The following PLCH2 variants were observed in gnomAD, a reference collection of about 807,000 sequenced individuals.
PLCH2 encodes phospholipase C eta 2.
In PLCH2, 98 loss-of-function variants were observed where a neutral mutation model predicts 134.7. That is an observed-to-expected ratio of 0.73 (90% confidence interval 0.62 to 0.86). The LOEUF is 0.86. PLCH2 is among the 40% of genes least tolerant of loss of function. The pLI, the probability that PLCH2 is intolerant of heterozygous loss-of-function variation, is 0.00. For synonymous variants in PLCH2, 974 were observed against 827.5 expected, an observed-to-expected ratio of 1.18 and a Z score of -3.04; for missense variants, 1,994 against 1,986.6, an observed-to-expected ratio of 1.00 and a Z score of -0.07.
intron 15 of PLCH2, 131 bp downstream of exon 15, chr1:2,497,141 C>G: frequency 1.1e-6 from 1 of 889,726 alleles, no homozygotes; most frequent in Non-Finnish European, 1.7e-6. Flanking sequence ...CTTGGAGCCT[C>G]CACACCTCTG....
chr1:2,473,108 C>T (rs78002624), upstream of PLCH2, among the ~76,000 whole-genome samples: 122 of 152,256 alleles, frequency 8.0e-4, no homozygotes, highest in African/African-American at 2.8e-3. Context: ...GCCAACACCG[C>T]CCTGGCTTCT....
intron 2 of PLCH2, among the ~76,000 whole-genome samples, chr1:2,435,233 A>G (rs1217770188): frequency 6.6e-6 from 1 of 152,008 alleles, no homozygotes; most frequent in Non-Finnish European, 1.5e-5. Context: ...AACCCCTGTC[A>G]CCTGCGGACA....
chr1:2,491,124 G>A, intron 10 of PLCH2, 68 bp from the exon 11 acceptor site: 1 of 1,470,906 alleles, frequency 6.8e-7, no homozygotes, highest in South Asian at 1.3e-5. Flanking sequence ...GTGACCCTGG[G>A]GGTTGTCATT....
chr1:2,433,547 G>A (rs920609705), intron 2 of PLCH2, among the ~76,000 whole-genome samples: 4 of 152,302 alleles, frequency 2.6e-5, no homozygotes, highest in African/African-American at 7.2e-5. Context: ...GGCACAGGTG[G>A]GAACGGTGTG....
At chr1:2,452,983 C>A (rs760553597) in intron 2 of PLCH2, among the ~76,000 whole-genome samples, 27 of 152,192 alleles carry the variant, frequency 1.8e-4, no homozygotes, top group Non-Finnish European at 3.5e-4. Context: ...GGATCCATTC[C>A]CGGTGGGGGC....
At chr1:2,492,124 G>A (rs1470221726) in intron 11 of PLCH2, among the ~76,000 whole-genome samples, 1 of 152,230 alleles carries the variant, frequency 6.6e-6, no homozygotes, top group Non-Finnish European at 1.5e-5. Flanking sequence ...CAGGGACCTT[G>A]CTCTTTTCCT....
At chr1:2,454,874 C>T (rs1156557872) in intron 2 of PLCH2, among the ~76,000 whole-genome samples, 2 of 152,128 alleles carry the variant, frequency 1.3e-5, no homozygotes, top group East Asian at 1.9e-4. Context: ...GCAGGTGGCT[C>T]GCGGCTCAGG....
Position 2,480,332 on chromosome 1 carries a change from A to G in PLCH2, c.645+20A>G. On this transcript the variant is annotated intron_variant, in intron 4 of 21. Transcript: ENST00000378486. Reference sequence around the variant, plus strand: ...TTCAGGGTGAGCTGGGGGGAGCCCTACCTGGGCTCCAGAGCCAGGGCTGCA... The same window carrying G: ...TTCAGGGTGAGCTGGGGGGAGCCCTGCCTGGGCTCCAGAGCCAGGGCTGCA... 6.2e-7 allele frequency: 1 copy of G among 1,606,666 alleles called. No individual in the cohort carries two copies. The highest frequency in any genetic ancestry group is 8.5e-7 in the Non-Finnish European group (1 of 1,175,582).
chr1:2,483,206 C>T (rs766758603), intron 4 of PLCH2, among the ~76,000 whole-genome samples: 1 of 152,188 alleles, frequency 6.6e-6, no homozygotes, highest in Non-Finnish European at 1.5e-5. Flanking sequence ...CCAGTGTAGG[C>T]GGACACCTGC....
At chr1:2,436,640 C>T (rs1475422371) in intron 2 of PLCH2, among the ~76,000 whole-genome samples, 1 of 152,168 alleles carries the variant, frequency 6.6e-6, no homozygotes, top group Non-Finnish European at 1.5e-5. Flanking sequence ...TAGCCGTCAC[C>T]TGTGGCTCTG....
chr1:2,464,626 A>G (rs1640971213), upstream of PLCH2, among the ~76,000 whole-genome samples: 2 of 152,216 alleles, frequency 1.3e-5, no homozygotes, highest in Non-Finnish European at 2.9e-5. Context: ...CCCCAAGCCA[A>G]TGGAGAAAGC....
chr1:2,483,750 T>TGACCCCCGTGTGGGGGGC (rs1642100302), intron 4 of PLCH2, among the ~76,000 whole-genome samples: 1 of 87,576 alleles, frequency 1.1e-5, no homozygotes, highest in Admixed American at 1.3e-4. Flanking sequence ...CAGAGTGTGT[T>TGACCCCCGTGTGGGGGGC]GTTGACCCCC....
At position 2,502,315 on chromosome 1, in the gene PLCH2, C is replaced by T; in HGVS notation, c.2865C>T (p.Gly955=). The T allele has an allele frequency of 6.5e-7, 1 of 1,535,624 alleles. No individual in the cohort carries two copies. The highest frequency in any genetic ancestry group is 1.2e-5 in the South Asian group (1 of 82,346). The change falls in exon 21 of 22, where the codon GGC becomes GGT. Residue 955 remains glycine, a synonymous_variant. Coordinates refer to ENST00000378486, the MANE Select transcript of PLCH2 (RefSeq NM_014638.4). ...PELVLGTRDT[G]SKGVADDVVP... ...TGGTCCTGGGTACACGGGACACAGG[C>T]TCCAAGGGGGTGGCAGACGATGTGG...
chr1:2,445,676 C>A lies in PLCH2; in HGVS notation c.115+15047C>A, dbSNP rs573162077. Among the ~76,000 whole-genome samples the A allele has an allele frequency of 2.6e-4, 39 of 152,164 alleles. No homozygotes were observed. The East Asian group carries it at 7.2e-3, about 28-fold the overall frequency. ...CAGAGGAGCTGGTGGGCAGGAGAGACCCCCTACAGACCCTCCTAGGTGGTG... is the reference window on the plus strand; with the variant it reads ...CAGAGGAGCTGGTGGGCAGGAGAGAACCCCTACAGACCCTCCTAGGTGGTG... On this transcript the variant is annotated intron_variant, in intron 2 of 3. Transcript: ENST00000609981.
intron 9 of PLCH2, among the ~76,000 whole-genome samples, 177 bp from the exon 10 acceptor site, chr1:2,489,583 T>G (rs1642458177): frequency 6.6e-6 from 1 of 152,194 alleles, no homozygotes; most frequent in Non-Finnish European, 1.5e-5. Flanking sequence ...GCCTTTCCCT[T>G]CACGCTGCTG....
chr1:2,476,402 A>G lies in PLCH2; in HGVS notation c.-187A>G, dbSNP rs535887436. On this transcript the variant is annotated 5_prime_UTR_variant, in exon 1 of 22. An upstream start codon of the reference 5' UTR is lost. Transcript: ENST00000378486. ...AGGACAGCAGGTGACGGTCAGGCCA[A>G]TGCCAGCCGGGCCTGGGCACAGCCC... 8.7e-5 allele frequency: 49 copies of G among 560,406 alleles called. No homozygotes were observed. In the South Asian group the frequency reaches 1.3e-3, roughly 15 times the overall value. The allele number at this position is 560,406 out of a possible 1,614,324, so 34.7% of individuals were successfully genotyped here. A position where few individuals can be genotyped will look rare whatever the true frequency, so the allele number is the denominator to read the frequency against.
chr1:2,481,681 C>T (rs1376744250), intron 4 of PLCH2, among the ~76,000 whole-genome samples: 1 of 152,202 alleles, frequency 6.6e-6, no homozygotes, highest in Admixed American at 6.5e-5. Flanking sequence ...AGAGGAATGG[C>T]GAGGTAGCTG....
chr1:2,476,449 T>G lies in PLCH2; in HGVS notation c.-140T>G, dbSNP rs1027812968. The G allele has an allele frequency of 1.5e-4, 124 of 817,922 alleles. No homozygotes were observed. The highest frequency in any genetic ancestry group is 2.2e-4 in the Non-Finnish European group (118 of 548,284). The allele number at this position is 817,922 out of a possible 1,614,324, so 50.7% of individuals were successfully genotyped here. A position where few individuals can be genotyped will look rare whatever the true frequency, so the allele number is the denominator to read the frequency against. On this transcript the variant is annotated 5_prime_UTR_variant, in exon 1 of 22. Transcript: ENST00000378486. Reference sequence around the variant, plus strand: ...GCCCTGTGGGGGCTTCGGAGGGCCCTGAGGAGGAGGAGGAAGAGGCAGAGG... The same window carrying G: ...GCCCTGTGGGGGCTTCGGAGGGCCCGGAGGAGGAGGAGGAAGAGGCAGAGG...
intron 2 of PLCH2, among the ~76,000 whole-genome samples, chr1:2,447,809 G>A (rs11581548): frequency 0.27 from 41,059 of 152,096 alleles, 6,089 homozygotes; most frequent in East Asian, 0.46. Flanking sequence ...TCAGCCCACC[G>A]GGGACCAGCC....
Sources: allele counts gnomAD v4.1 joint callset (sites outside exome capture counted in the v4.1 genomes callset), GRCh38; gene constraint gnomAD v4.1.1; transcripts MANE v1.5; gene names NCBI Gene and HGNC (gene_info 2026-07-23, HGNC 2026-07-21).